The following ZBED1 variants were observed in gnomAD, a reference collection of about 807,000 sequenced individuals.
The protein encoded by ZBED1 is E3 SUMO-protein ligase ZBED1.
In ZBED1, 19 loss-of-function variants were observed where a neutral mutation model predicts 49.7. The ratio of observed to expected loss-of-function variants is 0.38; its 90% confidence interval spans 0.27 to 0.56. The LOEUF (loss-of-function observed/expected upper bound fraction) is 0.56. Among genes scored for constraint, ZBED1 ranks in the 20% least tolerant of loss-of-function variants. The pLI is 0.70. For synonymous variants in ZBED1, 439 were observed against 440.3 expected, an observed-to-expected ratio of 1.00 and a Z score of 0.04; for missense variants, 806 against 972.6, an observed-to-expected ratio of 0.83 and a Z score of 2.28.
Position 2,490,081 on chromosome X carries a change from C to T in ZBED1, c.639G>A (p.Leu213=). ...CGCCCAGGCCCAGGAAGTGGGCGGC[C>T]AGCGTGACGTAGGCGCGGTTCTGAT... is the stretch of plus-strand genomic sequence containing the variant. ...SENQNRAYVT[L]AAHFLGLGAP... The change falls in exon 2 of 2, where the codon CTG becomes CTA. Residue 213 remains leucine (L), a synonymous_variant. Coordinates refer to ENST00000652001, the MANE Select transcript of ZBED1 (RefSeq NM_001171136.2). 6.2e-7 allele frequency: 1 copy of T among 1,613,824 alleles called. No individual in the cohort carries two copies. The highest frequency in any genetic ancestry group is 8.5e-7 in the Non-Finnish European group (1 of 1,179,876).
Position 2,488,494 on chromosome X carries a change from T to A in ZBED1, c.*141A>T, listed in dbSNP as rs2045011065. ...CCGACCCTCTCTCACTTCTCAAATC[T>A]CTTTCCTTTTTCCACCTTCTAGGTG... is the stretch of plus-strand genomic sequence containing the variant. On this transcript the variant is annotated 3_prime_UTR_variant, in exon 2 of 2. Coordinates refer to ENST00000652001, the MANE Select transcript of ZBED1 (RefSeq NM_001171136.2). 8.6e-7 allele frequency: 1 copy of A among 1,166,824 alleles called. No individual in the cohort carries two copies. Among genetic ancestry groups the A allele is most frequent in the Admixed American group, 3.0e-5 (1 of 32,974 alleles). The allele number at this position is 1,166,824 out of a possible 1,614,324, so 72.3% of individuals were successfully genotyped here.
At chrX:2,494,309 G>C (rs2064449725) in intron 1 of ZBED1, among the ~76,000 whole-genome samples, 1 of 151,676 alleles carries the variant, frequency 6.6e-6, no homozygotes, top group South Asian at 2.1e-4. Flanking sequence ...CTCGACACCT[G>C]GAACAAAAAT....
At chrX:2,492,719 C>T (rs1408968309) in intron 1 of ZBED1, among the ~76,000 whole-genome samples, 14 of 151,994 alleles carry the variant, frequency 9.2e-5, no homozygotes, top group African/African-American at 1.9e-4. Flanking sequence ...AGCCCAGGGA[C>T]GCCAGGAGCC....
intron 1 of ZBED1, among the ~76,000 whole-genome samples, chrX:2,491,360 G>A (rs1192818325): frequency 6.6e-6 from 1 of 152,184 alleles, no homozygotes; most frequent in Non-Finnish European, 1.5e-5. Flanking sequence ...GTGAGTCACC[G>A]CGCCCAGCCT....
Position 2,489,622 on chromosome X carries a change from C to T in ZBED1, c.1098G>A (p.Glu366=). The T allele has an allele frequency of 6.2e-7, 1 of 1,612,644 alleles. No individual in the cohort carries two copies. The highest frequency in any genetic ancestry group is 1.7e-5 in the Admixed American group (1 of 60,010). ...STLAMLQRLK[E]QQFVIAGVLV... is the part of the protein sequence containing the mutation. The stretch of plus-strand genomic sequence containing the variant: ...AGACCCCGGCGATGACGAACTGCTG[C>T]TCCTTGAGGCGCTGCAGCATGGCCA... The change falls in exon 2 of 2, where the codon GAG becomes GAA. Residue 366 remains glutamate, a synonymous_variant. Coordinates refer to ENST00000652001, the MANE Select transcript of ZBED1 (RefSeq NM_001171136.2).
intron 1 of ZBED1, among the ~76,000 whole-genome samples, chrX:2,496,982 T>C (rs2045302354): frequency 6.6e-6 from 1 of 151,834 alleles, no homozygotes; most frequent in Non-Finnish European, 1.5e-5. Flanking sequence ...TTTAAATAGA[T>C]TGTTAAATAT....
rs148679177 is a variant in ZBED1, at chrX:2,489,187, G to A, written c.1533C>T (p.Gly511=). Reference sequence around the variant, plus strand: ...TCTTGTCCTCAGCCGGCCGGTAGCCGCCGTCTTTGACCTTGTCCAGCAGGC... The same window carrying A: ...TCTTGTCCTCAGCCGGCCGGTAGCCACCGTCTTTGACCTTGTCCAGCAGGC... ...AKGLLDKVKD[G]GYRPAEDKIF... Residue 511 remains glycine, a synonymous_variant, in exon 2 of 2, where the codon GGC becomes GGT. Transcript: ENST00000652001. 8.7e-5 allele frequency: 140 copies of A among 1,613,570 alleles called. No homozygotes were observed. In the African/African-American group the frequency reaches 1.4e-3, roughly 17 times the overall value.
chrX:2,489,296 A>G lies in ZBED1; in HGVS notation c.1424T>C (p.Leu475Pro). The change falls in exon 2 of 2, where the codon CTG (leucine) becomes CCG (proline). Residue 475 changes from leucine to proline, a missense_variant. Coordinates refer to ENST00000652001, the MANE Select transcript of ZBED1 (RefSeq NM_001171136.2). Reference sequence around the variant, plus strand: ...GGGCAGCCTCTTGTAGCGGGGGTCCAGGAAGGTGGCCACGTTGAGAAACAT... The same window carrying G: ...GGGCAGCCTCTTGTAGCGGGGGTCCGGGAAGGTGGCCACGTTGAGAAACAT... ...IDMFLNVATF[L>P]DPRYKRLPFL... is the part of the protein sequence containing the mutation. The G allele has an allele frequency of 6.2e-7, 1 of 1,613,910 alleles. No homozygotes were observed. Among genetic ancestry groups the G allele is most frequent in the Non-Finnish European group, 8.5e-7 (1 of 1,179,838 alleles).
chrX:2,489,091 G>A lies in ZBED1; in HGVS notation c.1629C>T (p.Val543=). The change falls in exon 2 of 2, where the codon GTC becomes GTT. Residue 543 remains valine (V), a synonymous_variant. Transcript: ENST00000652001. ...AGATCTCGGCCAGCATGTTGTTGAT[G>A]ACGCTGGCGGGCGGCGGCGTGGATG... The part of the protein sequence containing the change: ...MRTSTPPPAS[V]INNMLAEIFC... 6.2e-7 allele frequency: 1 copy of A among 1,613,842 alleles called. No homozygotes were observed. The highest frequency in any genetic ancestry group is 8.5e-7 in the Non-Finnish European group (1 of 1,179,864).
chrX:2,490,833 C>T, intron 1 of ZBED1, 61 bp from the exon 2 acceptor site: 1 of 1,436,528 alleles, frequency 7.0e-7, no homozygotes, highest in Non-Finnish European at 9.4e-7. Context: ...GGGAGCCCTG[C>T]CGGGGAGACA....
At chrX:2,500,776 C>T (rs1435428813) in intron 1 of ZBED1, 41 bp downstream of exon 1, 2 of 1,021,364 alleles carry the variant, frequency 2.0e-6, no homozygotes, top group Non-Finnish European at 2.4e-6. Context: ...CCGCGCCCAC[C>T]CGGGTCCCCG....
intron 1 of ZBED1, among the ~76,000 whole-genome samples, chrX:2,498,930 C>T (rs1355915482): frequency 6.6e-6 from 1 of 152,148 alleles, no homozygotes; most frequent in Non-Finnish European, 1.5e-5. Flanking sequence ...CCTTTACTCT[C>T]CTTCTTCTAT....
chrX:2,494,002 T>C (rs1425299899), intron 1 of ZBED1, among the ~76,000 whole-genome samples: 2 of 151,812 alleles, frequency 1.3e-5, no homozygotes, highest in African/African-American at 4.8e-5. Flanking sequence ...AAAAAAGATA[T>C]ATATGCTATT....
chrX:2,497,658 T>A (rs1452299220), intron 1 of ZBED1, among the ~76,000 whole-genome samples: 1 of 152,194 alleles, frequency 6.6e-6, no homozygotes, highest in African/African-American at 2.4e-5. Flanking sequence ...TGGCCTATTA[T>A]TTACAATAGA....
chrX:2,500,939 G>T lies in ZBED1; in HGVS notation c.-176C>A. The T allele has an allele frequency of 1.9e-6, 2 of 1,050,292 alleles. No individual in the cohort carries two copies. Among genetic ancestry groups the T allele is most frequent in the Non-Finnish European group, 2.3e-6 (2 of 873,134 alleles). The allele number at this position is 1,050,292 out of a possible 1,614,324, so 65.1% of individuals were successfully genotyped here. A position where few individuals can be genotyped will look rare whatever the true frequency, so the allele number is the denominator to read the frequency against. ...CAATGGCGACATGGCTGCCCCGGCC[G>T]CGCCGCCGCCGCTTCCGCGCCGCCC... On this transcript the variant is annotated 5_prime_UTR_variant, in exon 1 of 2. Coordinates refer to ENST00000652001, the MANE Select transcript of ZBED1 (RefSeq NM_001171136.2).
chrX:2,490,506 G>C lies in ZBED1; in HGVS notation c.214C>G (p.Pro72Ala). The C allele has an allele frequency of 6.2e-7, 1 of 1,613,978 alleles. No individual in the cohort carries two copies. Among genetic ancestry groups the C allele is most frequent in the Non-Finnish European group, 8.5e-7 (1 of 1,179,868 alleles). Residue 72 changes from proline to alanine, a missense_variant, in exon 2 of 2, where the codon CCC (proline) becomes GCC (alanine). Physicochemically the swap from Pro to Ala is conservative, Grantham distance 27. This residue lies in a region of ZBED1 where 57 missense variants were observed against 111.3 expected (regional missense o/e 0.51). Coordinates refer to ENST00000652001, the MANE Select transcript of ZBED1 (RefSeq NM_001171136.2). ...NLSYHLEKNH[P>A]EEFCEFVKSN... ...TTGACGAACTCGCAGAATTCCTCGGGGTGGTTCTTCTCCAGGTGGTAGGAC... is the reference window on the plus strand; with the variant it reads ...TTGACGAACTCGCAGAATTCCTCGGCGTGGTTCTTCTCCAGGTGGTAGGAC...
Position 2,495,399 on chromosome X carries a change from T to C in ZBED1, c.-53-4627A>G, listed in dbSNP as rs190127856. ...TATTATTTAGGTGAACAAAGGTTTC[T>C]ATTCTATTATGATGATCATCATTTG... On this transcript the variant is annotated intron_variant, in intron 1 of 1. Transcript: ENST00000652001. Among the ~76,000 whole-genome samples, 698 of 152,216 alleles carry C rather than the reference T, an allele frequency of 4.6e-3. 1 individual carries two copies. Among genetic ancestry groups the C allele is most frequent in the Non-Finnish European group, 6.6e-3 (447 of 68,014 alleles).
intron 1 of ZBED1, among the ~76,000 whole-genome samples, chrX:2,500,148 G>A (rs2045379978): frequency 6.6e-6 from 1 of 152,228 alleles, no homozygotes. Flanking sequence ...CTGCAAAGTT[G>A]GAGATCTGTG....
Position 2,490,797 on chromosome X carries a change from G to A in ZBED1, c.-53-25C>T, listed in dbSNP as rs1163879950. 3.9e-6 allele frequency: 6 copies of A among 1,542,486 alleles called. No individual in the cohort carries two copies. In the East Asian group the frequency reaches 1.4e-4, roughly 35 times the overall value. On this transcript the variant is annotated intron_variant, in intron 1 of 1. Transcript: ENST00000652001. ...GCTGAGAAGGGCCAAGACAAACACA[G>A]CATGAGAAGGGACCCAGGCACGCAC...
Sources: gnomAD v4.1 joint callset for allele counts (sites outside exome capture counted in the v4.1 genomes callset) on GRCh38, gnomAD v4.1.1 for gene constraint, gnomAD v4.1.1 regional missense constraint, MANE v1.5 for transcripts, NCBI Gene and HGNC (gene_info 2026-07-23, HGNC 2026-07-21) for gene names.